Variants in CAPG observed in about 807,000 individuals in gnomAD.
CAPG encodes the protein macrophage-capping protein.
In CAPG, 32 loss-of-function variants were observed where a neutral mutation model predicts 44.6. The ratio of observed to expected loss-of-function variants is 0.72; its 90% CI spans 0.54 to 0.96. CAPG has a LOEUF of 0.96. Ranked by LOEUF, CAPG falls within the 50% of genes least tolerant of loss-of-function variation. The probability of loss-of-function intolerance (pLI) is 0.00; values close to 1 mark genes in which losing one functional copy is unlikely to be tolerated. For missense variants in CAPG, 412 were observed against 438.3 expected (o/e 0.94, Z 0.54); for synonymous variants, 175 against 179.6 (o/e 0.97, Z 0.20).
chr2:85,393,244 C>T (rs1686452409), downstream of CAPG, among the ~76,000 whole-genome samples: 1 of 152,090 alleles, frequency 6.6e-6, no homozygotes, highest in Admixed American at 6.5e-5. Flanking sequence ...CCATGGTCCC[C>T]AGGCTGGTCT....
chr2:85,419,428 A>G (rs1017119544), upstream of CAPG, among the ~76,000 whole-genome samples: 2 of 152,228 alleles, frequency 1.3e-5, no homozygotes, highest in East Asian at 3.8e-4. Context: ...AGTGCAAGCC[A>G]GGAACTCAGG....
chr2:85,417,730 T>G (rs1687597922), intron 1 of CAPG, among the ~76,000 whole-genome samples: 1 of 152,058 alleles, frequency 6.6e-6, no homozygotes, highest in Non-Finnish European at 1.5e-5. Flanking sequence ...GTGATCTGCT[T>G]GCCTCAGCCT....
chr2:85,406,275 G>C lies in CAPG; in HGVS notation c.-14+4042C>G. On this transcript the variant is annotated intron_variant, in intron 1 of 9. Coordinates refer to ENST00000263867, the MANE Select transcript of CAPG (RefSeq NM_001747.4). Reference sequence around the variant, plus strand: ...TCAAAAAAAAAAAAAGAAAAGAAAGGAGTTTGGCTGCTCATTAGAATGACC... The same window carrying C: ...TCAAAAAAAAAAAAAGAAAAGAAAGCAGTTTGGCTGCTCATTAGAATGACC... 1.5e-5 allele frequency among the ~76,000 whole-genome samples: 2 copies of C among 135,190 alleles called. 1 individual carries two copies. The highest frequency in any genetic ancestry group is 1.4e-4 in the Admixed American group (2 of 14,422). The allele number at this position is 135,190 out of a possible 152,430, so 88.7% of individuals were successfully genotyped here. A position where few individuals can be genotyped will look rare whatever the true frequency, so the allele number is the denominator to read the frequency against.
intron 1 of CAPG, among the ~76,000 whole-genome samples, chr2:85,402,934 C>G (rs957146637): frequency 3.3e-5 from 5 of 152,082 alleles, no homozygotes; most frequent in African/African-American, 1.2e-4. Flanking sequence ...CCACGCCTGG[C>G]TAATTTTTGT....
At chr2:85,404,953 T>A (rs1262675230) in intron 1 of CAPG, among the ~76,000 whole-genome samples, 5 of 83,758 alleles carry the variant, frequency 6.0e-5, no homozygotes, top group African/African-American at 3.7e-4. Flanking sequence ...AAAAAAAAAT[T>A]TTTTTTTTAC....
At chr2:85,393,476 T>C (rs1686459083), downstream of CAPG, among the ~76,000 whole-genome samples, 1 of 152,158 alleles carries the variant, frequency 6.6e-6, no homozygotes, top group Non-Finnish European at 1.5e-5. Flanking sequence ...TAAAAAACCA[T>C]CCCTGGCACC....
chr2:85,417,711 T>G (rs1687597722), intron 1 of CAPG, among the ~76,000 whole-genome samples: 2 of 152,090 alleles, frequency 1.3e-5, no homozygotes, highest in African/African-American at 4.8e-5. Flanking sequence ...CTTGAACCCC[T>G]GACCTCAGGT....
chr2:85,403,667 T>A (rs188153214), intron 1 of CAPG, among the ~76,000 whole-genome samples: 106 of 152,166 alleles, frequency 7.0e-4, no homozygotes, highest in African/African-American at 2.4e-3. Flanking sequence ...GGTGGGTGGA[T>A]CATGAGGTCA....
chr2:85,392,246 C>T (rs1486016400), downstream of CAPG, among the ~76,000 whole-genome samples: 1 of 152,124 alleles, frequency 6.6e-6, no homozygotes, highest in Non-Finnish European at 1.5e-5. Flanking sequence ...AAAAATTAGC[C>T]GGGCGTGGTG....
Position 85,407,938 on chromosome 2 carries a change from T to A in CAPG, c.-14+2379A>T, listed in dbSNP as rs1687240173. Among the ~76,000 whole-genome samples, 4 of 151,858 alleles carry A rather than the reference T, an allele frequency of 2.6e-5. No homozygotes were observed. In the South Asian group the frequency reaches 8.3e-4, roughly 32 times the overall value. ...TGTTCCAGTCTCTCCTGGGGAAGGG[T>A]CCACCCTGACCTCTGGCCTTTCATT... is the stretch of plus-strand genomic sequence containing the variant. On this transcript the variant is annotated intron_variant, in intron 1 of 9. Coordinates refer to ENST00000263867, the MANE Select transcript of CAPG (RefSeq NM_001747.4).
chr2:85,398,329 A>C, intron 7 of CAPG, 177 bp from the exon 8 acceptor site: 1 of 682,524 alleles, frequency 1.5e-6, no homozygotes, highest in Non-Finnish European at 2.4e-6. Context: ...AGGCAGCCCC[A>C]CTCCCTCTCA....
At position 85,400,799 on chromosome 2, in the gene CAPG, G is replaced by C. The variant is rs558454090; in HGVS notation, c.516+366C>G. Among the ~76,000 whole-genome samples the C allele has an allele frequency of 3.3e-5, 5 of 152,266 alleles. No homozygotes were observed. In the South Asian group the frequency reaches 1.0e-3, roughly 32 times the overall value. On this transcript the variant is annotated intron_variant, in intron 5 of 9. Transcript: ENST00000263867. ...TGCCTCAGGTTATGGCAAGTGACTG[G>C]CCCATCTTGGCTGCCTCCCCAGAGC...
chr2:85,395,612 C>G lies in CAPG; in HGVS notation c.907G>C (p.Glu303Gln). Reference sequence around the variant, plus strand: ...TGCAGGGCTGCCTGCCGCTCCTTCTCATTCGCTTTTCGCCCTAGATCATAG... The same window carrying G: ...TGCAGGGCTGCCTGCCGCTCCTTCTGATTCGCTTTTCGCCCTAGATCATAG... ...IYIWKGRKAN[E>Q]KERQAALQVA... Residue 303 changes from glutamate (E) to glutamine (Q), a missense_variant, in exon 9 of 10, where the codon GAG becomes CAG. Coordinates refer to ENST00000263867, the MANE Select transcript of CAPG (RefSeq NM_001747.4). This position sits in a 1 kb window ranked among gnomAD's most constrained non-coding sequence, Gnocchi z 4.3. 6.2e-7 allele frequency: 1 copy of G among 1,613,738 alleles called. No individual in the cohort carries two copies. The highest frequency in any genetic ancestry group is 8.5e-7 in the Non-Finnish European group (1 of 1,179,816).
At chr2:85,419,528 T>A (rs1687669443), upstream of CAPG, among the ~76,000 whole-genome samples, 1 of 152,194 alleles carries the variant, frequency 6.6e-6, no homozygotes, top group African/African-American at 2.4e-5. Context: ...AGGCCTCTTC[T>A]CAGCTGATTT....
chr2:85,401,327 T>C lies in CAPG; in HGVS notation c.354A>G (p.Glu118=), dbSNP rs896077843. ...SYFPRGLKYQ[E]GGVESAFHKT... ...TGTGAAATGCTGACTCCACACCACC[T>C]TCCTGCAGCCCAGACGGCCCATCTG... Residue 118 remains glutamate, a splice_region_variant and synonymous_variant, in exon 5 of 10, where the codon GAA becomes GAG. Coordinates refer to ENST00000263867, the MANE Select transcript of CAPG (RefSeq NM_001747.4). 1 of 1,613,674 alleles carries C rather than the reference T, an allele frequency of 6.2e-7. No individual in the cohort carries two copies. Among genetic ancestry groups the C allele is most frequent in the African/African-American group, 1.3e-5 (1 of 74,932 alleles).
chr2:85,392,900 G>GC (rs982004662), downstream of CAPG, among the ~76,000 whole-genome samples: 15 of 152,022 alleles, frequency 9.9e-5, no homozygotes, highest in Non-Finnish European at 4.4e-5. Context: ...CCTGTTTAGT[G>GC]CCCCCCAGAT....
chr2:85,408,454 C>T (rs185967171), intron 1 of CAPG, among the ~76,000 whole-genome samples: 49 of 152,046 alleles, frequency 3.2e-4, no homozygotes, highest in Non-Finnish European at 1.5e-4. Flanking sequence ...AAGTGGCCTC[C>T]GCCTTCTCTG....
intron 1 of CAPG, among the ~76,000 whole-genome samples, chr2:85,407,475 G>C (rs72831563): frequency 0.087 from 13,188 of 152,142 alleles, 615 homozygotes; most frequent in South Asian, 0.16. Context: ...CACACTGGGA[G>C]ACTGAGGTAG....
upstream of CAPG, chr2:85,418,583 A>AACAG (rs968079279): frequency 6.6e-6 from 1 of 151,100 alleles, no homozygotes; most frequent in Non-Finnish European, 1.5e-5. Context: ...GGAGCACCAC[A>AACAG]ACAGACCCCC....
Sources: gnomAD v4.1 joint callset for allele counts (sites outside exome capture counted in the v4.1 genomes callset) on GRCh38, gnomAD v4.1.1 for gene constraint, Gnocchi (gnomAD v3.1) non-coding constraint, MANE v1.5 for transcripts, NCBI Gene and HGNC (gene_info 2026-07-23, HGNC 2026-07-21) for gene names.